Variants in GNA12 observed in about 807,000 individuals in gnomAD.
GNA12 encodes the protein guanine nucleotide-binding protein subunit alpha-12.
A neutral mutation model predicts 26.0 loss-of-function variants in GNA12; 9 were observed. The ratio of observed to expected loss-of-function variants is 0.35; its 90% CI spans 0.21 to 0.60. The LOEUF is 0.60. Among genes scored for constraint, GNA12 ranks in the 20% least tolerant of loss-of-function variants. GNA12 has a pLI of 0.78. For synonymous variants in GNA12, 264 were observed against 219.6 expected, an observed-to-expected ratio of 1.20 and a Z score of -1.79; for missense variants, 405 against 525.8, an observed-to-expected ratio of 0.77 and a Z score of 2.25.
At chr7:2,768,484 A>G (rs1791862716) in intron 2 of GNA12, among the ~76,000 whole-genome samples, 1 of 152,190 alleles carries the variant, frequency 6.6e-6, no homozygotes, top group African/African-American at 2.4e-5. Flanking sequence ...GTGAAATGAA[A>G]TCACATCCTA....
At chr7:2,762,866 C>G in intron 2 of GNA12, 1 of 1,452,366 alleles carries the variant, frequency 6.9e-7, no homozygotes, top group South Asian at 1.4e-5. Flanking sequence ...AGGGCCAGCT[C>G]CGAGCCCTGC....
intron 2 of GNA12, among the ~76,000 whole-genome samples, chr7:2,785,065 T>C (rs143519287): frequency 6.6e-6 from 1 of 152,294 alleles, no homozygotes; most frequent in East Asian, 1.9e-4. Flanking sequence ...AAGTATATAA[T>C]ACTCTTCGTG....
At chr7:2,779,270 C>T (rs1792159462) in intron 2 of GNA12, among the ~76,000 whole-genome samples, 1 of 152,084 alleles carries the variant, frequency 6.6e-6, no homozygotes, top group Admixed American at 6.6e-5. Context: ...AATGCTTGAG[C>T]CCAGGAGGCA....
chr7:2,754,027 T>G (rs1445357392), intron 2 of GNA12, among the ~76,000 whole-genome samples: 1 of 152,210 alleles, frequency 6.6e-6, no homozygotes, highest in Non-Finnish European at 1.5e-5. Context: ...ACCCTTAAGT[T>G]CAGCGTTACT....
At chr7:2,818,229 A>C (rs1793259928) in intron 1 of GNA12, among the ~76,000 whole-genome samples, 2 of 152,204 alleles carry the variant, frequency 1.3e-5, no homozygotes, top group Admixed American at 1.3e-4. Flanking sequence ...AAGTTTGTTT[A>C]CCACATCAGT....
chr7:2,781,449 T>TGTGTGTGC (rs397971357), intron 2 of GNA12, among the ~76,000 whole-genome samples: 15 of 144,954 alleles, frequency 1.0e-4, no homozygotes, highest in African/African-American at 3.8e-4. Flanking sequence ...TGTGTGTGTG[T>TGTGTGTGC]AGGGTACAAT....
chr7:2,803,949 C>T (rs1227190413), intron 1 of GNA12, among the ~76,000 whole-genome samples: 1 of 152,218 alleles, frequency 6.6e-6, no homozygotes, highest in Non-Finnish European at 1.5e-5. Flanking sequence ...TCCCCAACCC[C>T]CACCCGCCAG....
intron 1 of GNA12, among the ~76,000 whole-genome samples, chr7:2,830,240 G>C (rs1484686077): frequency 6.6e-6 from 1 of 152,186 alleles, no homozygotes; most frequent in Non-Finnish European, 1.5e-5. Context: ...ACACACCCTA[G>C]AATCTTCTTT....
intron 2 of GNA12, among the ~76,000 whole-genome samples, chr7:2,789,229 G>A (rs1319599213): frequency 7.5e-6 from 1 of 134,168 alleles, no homozygotes; most frequent in Non-Finnish European, 1.6e-5. Flanking sequence ...TCCGCCTCCC[G>A]GGTTCACGCC....
At chr7:2,781,224 A>C (rs1792219219) in intron 2 of GNA12, among the ~76,000 whole-genome samples, 1 of 152,126 alleles carries the variant, frequency 6.6e-6, no homozygotes, top group Non-Finnish European at 1.5e-5. Flanking sequence ...ATTTTATGGG[A>C]GTCAAATTAT....
chr7:2,751,388 CAAAGAAA>C (rs1791029766), intron 2 of GNA12, among the ~76,000 whole-genome samples: 1 of 80,224 alleles, frequency 1.2e-5, no homozygotes, highest in Non-Finnish European at 2.5e-5. Flanking sequence ...AAGACCGTTT[CAAAGAAA>C]AAAGAAAAAA....
Position 2,729,650 on chromosome 7 carries a change from G to A in GNA12, c.*1531C>T, listed in dbSNP as rs1159349776. On this transcript the variant is annotated 3_prime_UTR_variant, in exon 4 of 4. Coordinates refer to ENST00000275364, the MANE Select transcript of GNA12 (RefSeq NM_007353.3). ...ACAAGCCAAGGGTGAGCTGCAGAGG[G>A]GCTCGGGGCTCGGGGCAGCACGGCC... is the stretch of plus-strand genomic sequence containing the variant. 2 of 152,246 alleles carry A rather than the reference G, an allele frequency of 1.3e-5. No homozygotes were observed. Among genetic ancestry groups the A allele is most frequent in the Non-Finnish European group, 2.9e-5 (2 of 67,954 alleles). 9.4% of individuals were successfully genotyped at this position (152,246 alleles called of 1,614,324 possible). A position where few individuals can be genotyped will look rare whatever the true frequency, so the allele number is the denominator to read the frequency against.
At chr7:2,752,173 AG>A (rs1315361083) in intron 2 of GNA12, among the ~76,000 whole-genome samples, 1 of 152,234 alleles carries the variant, frequency 6.6e-6, no homozygotes, top group Non-Finnish European at 1.5e-5. Context: ...AAAATAAGGA[AG>A]AAAAAAATAC....
intron 2 of GNA12, 47 bp from the exon 3 acceptor site, chr7:2,733,548 C>T: frequency 6.9e-7 from 1 of 1,444,550 alleles, no homozygotes; most frequent in Non-Finnish European, 9.7e-7. Context: ...ACTGAGGAAT[C>T]CTGATGTGGC....
chr7:2,831,496 C>T (rs977683663), intron 1 of GNA12, among the ~76,000 whole-genome samples: 2 of 150,294 alleles, frequency 1.3e-5, no homozygotes, highest in African/African-American at 2.4e-5. Context: ...CTACACCTCC[C>T]GGGTTCACGC....
Position 2,823,049 on chromosome 7 carries a change from C to T in GNA12, c.309+20804G>A, listed in dbSNP as rs562377961. 4.6e-5 allele frequency among the ~76,000 whole-genome samples: 7 copies of T among 152,324 alleles called. No homozygotes were observed. The South Asian group carries it at 1.4e-3, about 32-fold the overall frequency. ...TCAGGGACATTACAGTTACCAACCA[C>T]TCTGATGGCCTTGAAGAAAGTAACT... is the stretch of plus-strand genomic sequence containing the variant. On this transcript the variant is annotated intron_variant, in intron 1 of 3. Coordinates refer to ENST00000275364, the MANE Select transcript of GNA12 (RefSeq NM_007353.3).
chr7:2,799,600 C>T (rs2115464451), intron 1 of GNA12, among the ~76,000 whole-genome samples: 1 of 151,998 alleles, frequency 6.6e-6, no homozygotes, highest in African/African-American at 2.4e-5. Flanking sequence ...ACATACTCAA[C>T]AGTTTAAAAA....
intron 2 of GNA12, among the ~76,000 whole-genome samples, chr7:2,734,584 G>A (rs747341280): frequency 1.3e-5 from 2 of 152,224 alleles, no homozygotes; most frequent in South Asian, 2.1e-4. Context: ...GGAGAAAGGC[G>A]GCCAGCACCT....
intron 1 of GNA12, among the ~76,000 whole-genome samples, chr7:2,829,052 G>A (rs1426328114): frequency 2.0e-5 from 3 of 149,856 alleles, no homozygotes; most frequent in Admixed American, 6.7e-5. Flanking sequence ...CAGCCTCGGC[G>A]ACAGAGCCAG....
Sources: gnomAD v4.1 joint callset for allele counts (sites outside exome capture counted in the v4.1 genomes callset) on GRCh38, gnomAD v4.1.1 for gene constraint, MANE v1.5 for transcripts, NCBI Gene and HGNC (gene_info 2026-07-23, HGNC 2026-07-21) for gene names.